Variants in APP observed in about 807,000 individuals in gnomAD.
The protein encoded by APP is amyloid-beta precursor protein.
APP carries 31 observed loss-of-function variants against 101.4 expected under a neutral mutation model. The ratio of observed to expected loss-of-function variants is 0.31; its 90% confidence interval spans 0.23 to 0.41. The LOEUF (loss-of-function observed/expected upper bound fraction) is 0.41. Ranked by LOEUF, APP falls within the 10% of genes least tolerant of loss-of-function variation. The pLI is 1.00. For missense variants in APP, 839 were observed against 1,003.7 expected, an observed-to-expected ratio of 0.84 and a Z score of 2.22; for synonymous variants, 366 against 364.4, an observed-to-expected ratio of 1.00 and a Z score of -0.05.
intron 12 of APP, among the ~76,000 whole-genome samples, 190 bp from the exon 13 acceptor site, chr21:25,954,879 G>A (rs1479883121): frequency 6.7e-6 from 1 of 149,532 alleles, no homozygotes; most frequent in Non-Finnish European, 1.5e-5. Flanking sequence ...TGTTAAAAAG[G>A]TTGAACTGAA....
chr21:26,074,708 G>A (rs1028147069), intron 3 of APP, among the ~76,000 whole-genome samples: 4 of 151,736 alleles, frequency 2.6e-5, no homozygotes, highest in Admixed American at 6.6e-5. Context: ...CAGAGATTGC[G>A]TCACTGCACT....
intron 13 of APP, among the ~76,000 whole-genome samples, chr21:25,914,549 CTTTT>C (rs10647133): frequency 2.6e-5 from 3 of 114,804 alleles, no homozygotes; most frequent in Non-Finnish European, 5.0e-5. Flanking sequence ...CACAAGGCGC[CTTTT>C]TTTTTTTTTT....
chr21:26,044,917 C>T (rs1417241162), intron 5 of APP, among the ~76,000 whole-genome samples: 1 of 152,178 alleles, frequency 6.6e-6, no homozygotes, highest in African/African-American at 2.4e-5. Flanking sequence ...GATATCATCA[C>T]TCAATATTAT....
At chr21:26,161,356 ACAGAAACT>A (rs1177415221) in intron 1 of APP, among the ~76,000 whole-genome samples, 7 of 152,222 alleles carry the variant, frequency 4.6e-5, no homozygotes, top group African/African-American at 1.7e-4. Context: ...TGACAATACT[ACAGAAACT>A]ATTGCATTCA....
intron 2 of APP, among the ~76,000 whole-genome samples, chr21:26,093,414 C>T (rs529981515): frequency 6.2e-4 from 94 of 152,150 alleles, no homozygotes; most frequent in Non-Finnish European, 1.0e-3. Flanking sequence ...TCTATAAACC[C>T]AGTGGCAGGC....
At chr21:25,952,191 T>TACATACACACAC (rs1555901899) in intron 13 of APP, among the ~76,000 whole-genome samples, 4 of 139,898 alleles carry the variant, frequency 2.9e-5, no homozygotes, top group Admixed American at 7.1e-5. Context: ...ATTACATACA[T>TACATACACACAC]ACACACACAC....
chr21:25,974,355 T>C (rs1300633906), intron 11 of APP, among the ~76,000 whole-genome samples: 3 of 152,104 alleles, frequency 2.0e-5, no homozygotes, highest in Admixed American at 2.0e-4. Context: ...CCACCCCCAA[T>C]TCATATGTTG....
rs2041232726 is a variant in APP, at chr21:25,954,628, T to C, written c.1649A>G (p.Asn550Ser). ...AATCTCCTCGGCCACTGCAGGCACG[T>C]TGTAGAGCAGGGAGAGAGACTGATT... ...RMNQSLSLLY[N>S]VPAVAEEIQD... Residue 550 changes from asparagine to serine, a missense_variant, in exon 13 of 18, where the codon AAC (asparagine) becomes AGC (serine). Physicochemically the swap from Asn to Ser is conservative, Grantham distance 46. Transcript: ENST00000346798. 6.8e-6 allele frequency: 11 copies of C among 1,614,106 alleles called. No homozygotes were observed. Among genetic ancestry groups the C allele is most frequent in the East Asian group, 2.2e-5 (1 of 44,888 alleles).
At chr21:26,027,656 G>A (rs148574312) in intron 5 of APP, among the ~76,000 whole-genome samples, 2,564 of 152,272 alleles carry the variant, frequency 0.017, 37 homozygotes, top group Non-Finnish European at 0.026. Context: ...CAGGGGCCAG[G>A]AGAGAGGATT....
At chr21:25,890,382 C>T (rs750989281) in intron 17 of APP, among the ~76,000 whole-genome samples, 9 of 152,172 alleles carry the variant, frequency 5.9e-5, no homozygotes, top group Non-Finnish European at 1.0e-4. Flanking sequence ...TGGTTTAGAG[C>T]CCATTTCCTT....
At position 26,099,196 on chromosome 21, in the gene APP, G is replaced by A. The variant is rs557139777; in HGVS notation, c.226-9124C>T. On this transcript the variant is annotated intron_variant, in intron 2 of 17. Transcript: ENST00000346798. ...AAAAAAAAAAACCCAGATCCAAATT[G>A]TGTCTGCATGACTGCAGCTAGCATA... Among the ~76,000 whole-genome samples the A allele has an allele frequency of 6.0e-5, 9 of 149,290 alleles. No individual in the cohort carries two copies. The South Asian group carries it at 1.5e-3, about 24-fold the overall frequency.
intron 17 of APP, among the ~76,000 whole-genome samples, chr21:25,889,877 A>C (rs2037573873): frequency 1.3e-5 from 2 of 152,130 alleles, no homozygotes; most frequent in South Asian, 4.1e-4. Context: ...CAACAAAAGA[A>C]AACAACAAAA....
At chr21:26,059,740 A>T (rs1434871552) in intron 3 of APP, among the ~76,000 whole-genome samples, 1 of 151,962 alleles carries the variant, frequency 6.6e-6, no homozygotes, top group African/African-American at 2.4e-5. Context: ...AATACAAAAA[A>T]ATTAGCCAGG....
At position 25,902,866 on chromosome 21, in the gene APP, A is replaced by G. The variant is rs1193412508; in HGVS notation, c.1963+2158T>C. Among the ~76,000 whole-genome samples, 3 of 152,188 alleles carry G rather than the reference A, an allele frequency of 2.0e-5. No homozygotes were observed. In the East Asian group the frequency reaches 5.8e-4, roughly 29 times the overall value. On this transcript the variant is annotated intron_variant, in intron 15 of 17. Transcript: ENST00000346798. ...GGGACCCTACCGTTTAATTTCTTTC[A>G]AACCTAGAAAGAATTTAGTGGATTG... is the stretch of plus-strand genomic sequence containing the variant.
At chr21:26,031,218 C>T (rs45457195) in intron 5 of APP, among the ~76,000 whole-genome samples, 15,018 of 152,168 alleles carry the variant, frequency 0.099, 1,130 homozygotes, top group East Asian at 0.29. Flanking sequence ...AGAACTACTA[C>T]ACAGCTATAG....
At chr21:26,104,165 A>C (rs984703161) in intron 2 of APP, among the ~76,000 whole-genome samples, 3 of 152,104 alleles carry the variant, frequency 2.0e-5, no homozygotes, top group Non-Finnish European at 2.9e-5. Context: ...GGGGGCACAT[A>C]CTCATGACCT....
At chr21:26,146,736 G>A (rs1487030562) in intron 1 of APP, among the ~76,000 whole-genome samples, 2 of 152,126 alleles carry the variant, frequency 1.3e-5, no homozygotes, top group Non-Finnish European at 2.9e-5. Flanking sequence ...TTCATAATAA[G>A]TTTTCAAAAA....
At chr21:26,010,664 A>T (rs368406827) in intron 6 of APP, among the ~76,000 whole-genome samples, 11 of 151,590 alleles carry the variant, frequency 7.3e-5, no homozygotes, top group East Asian at 3.9e-4. Context: ...ACAAAAAAAA[A>T]AAATATATTA....
At chr21:26,167,662 A>G (rs1015241968) in intron 1 of APP, among the ~76,000 whole-genome samples, 13 of 152,212 alleles carry the variant, frequency 8.5e-5, no homozygotes, top group Non-Finnish European at 1.3e-4. Flanking sequence ...TCAAACCAAT[A>G]TTGTTGATCA....
Sources: allele counts gnomAD v4.1 joint callset (sites outside exome capture counted in the v4.1 genomes callset), GRCh38; gene constraint gnomAD v4.1.1; transcripts MANE v1.5; gene names NCBI Gene and HGNC (gene_info 2026-07-23, HGNC 2026-07-21).